EBF1: variants seen among roughly 807,000 people sequenced by gnomAD.
The protein encoded by EBF1 is EBF transcription factor 1, also known as transcription factor COE1.
A neutral mutation model predicts 68.4 loss-of-function variants in EBF1; 10 were observed. The observed-to-expected ratio is 0.15, with a 90% CI of 0.09 to 0.25. The LOEUF is 0.25. Among genes scored for constraint, EBF1 ranks in the 10% least tolerant of loss-of-function variants. The pLI is 1.00. For missense variants in EBF1, 509 were observed against 794.4 expected, an observed-to-expected ratio of 0.64 and a Z score of 4.32; for synonymous variants, 298 against 299.8, an observed-to-expected ratio of 0.99 and a Z score of 0.06.
intron 6 of EBF1, among the ~76,000 whole-genome samples, chr5:159,033,030 G>C (rs932671049): frequency 1.5e-5 from 2 of 132,348 alleles, no homozygotes; most frequent in South Asian, 5.3e-4. Context: ...ACTAAATATA[G>C]AGACCAAACA....
chr5:158,949,516 T>A (rs535078217), intron 6 of EBF1, among the ~76,000 whole-genome samples: 1 of 152,288 alleles, frequency 6.6e-6, no homozygotes, highest in South Asian at 2.1e-4. Context: ...AAAGAAAATA[T>A]TTTCTTCAGG....
At chr5:158,952,175 C>T (rs1028198820) in intron 6 of EBF1, among the ~76,000 whole-genome samples, 1 of 152,128 alleles carries the variant, frequency 6.6e-6, no homozygotes, top group Non-Finnish European at 1.5e-5. Context: ...TTTCAAAGAG[C>T]TCCTTACAGT....
intron 6 of EBF1, among the ~76,000 whole-genome samples, chr5:158,899,666 A>G (rs530409120): frequency 6.6e-6 from 1 of 151,904 alleles, no homozygotes; most frequent in African/African-American, 2.4e-5. Flanking sequence ...CTCTTAATAC[A>G]CTCCCAAGTT....
At chr5:158,793,729 A>C (rs1415274560) in intron 9 of EBF1, among the ~76,000 whole-genome samples, 1 of 152,198 alleles carries the variant, frequency 6.6e-6, no homozygotes, top group Non-Finnish European at 1.5e-5. Context: ...GGCTTAAAGT[A>C]ATACCCATAA....
intron 7 of EBF1, among the ~76,000 whole-genome samples, chr5:158,827,315 C>A (rs772649610): frequency 5.3e-4 from 81 of 152,138 alleles, no homozygotes; most frequent in Non-Finnish European, 9.3e-4. Context: ...CACAAACGTA[C>A]AATTTTAAAG....
intron 6 of EBF1, among the ~76,000 whole-genome samples, chr5:158,930,069 G>C (rs1388884807): frequency 6.6e-6 from 1 of 152,146 alleles, no homozygotes; most frequent in Non-Finnish European, 1.5e-5. Context: ...TGTCATCAAA[G>C]GTGATTGTTT....
chr5:158,954,347 G>T (rs1816637857), intron 6 of EBF1, among the ~76,000 whole-genome samples: 2 of 152,196 alleles, frequency 1.3e-5, no homozygotes, highest in South Asian at 4.1e-4. Context: ...AAATCCAAAT[G>T]TGCCAGCAAC....
chr5:159,009,494 T>G (rs1238506862), intron 6 of EBF1, among the ~76,000 whole-genome samples: 1 of 152,214 alleles, frequency 6.6e-6, no homozygotes, highest in Admixed American at 6.5e-5. Context: ...TCTTTGTAAA[T>G]GATCATGTCT....
At chr5:159,067,042 G>GT (rs1369566199) in intron 6 of EBF1, among the ~76,000 whole-genome samples, 1 of 152,152 alleles carries the variant, frequency 6.6e-6, no homozygotes, top group Admixed American at 6.5e-5. Flanking sequence ...ACTAAATGGA[G>GT]TTTTTTAAAT....
intron 11 of EBF1, among the ~76,000 whole-genome samples, chr5:158,728,861 T>A (rs538271834): frequency 1.3e-5 from 2 of 152,336 alleles, no homozygotes; most frequent in Non-Finnish European, 2.9e-5. Context: ...CACTGCTCGA[T>A]AAGTATTTTT....
chr5:158,871,700 T>C (rs1796898773), intron 6 of EBF1, among the ~76,000 whole-genome samples: 1 of 152,222 alleles, frequency 6.6e-6, no homozygotes, highest in South Asian at 2.1e-4. Context: ...AATTCAGTCA[T>C]GTCTTTCCAC....
chr5:158,865,168 A>G (rs1316051016), intron 6 of EBF1, among the ~76,000 whole-genome samples: 1 of 152,162 alleles, frequency 6.6e-6, no homozygotes, highest in Non-Finnish European at 1.5e-5. Flanking sequence ...CCTTCAAGAT[A>G]GGATTCACAA....
chr5:158,892,792 A>C (rs925212421), intron 6 of EBF1, among the ~76,000 whole-genome samples: 1 of 152,146 alleles, frequency 6.6e-6, no homozygotes, highest in African/African-American at 2.4e-5. Context: ...GACATTTTAC[A>C]AAAAAAGAAA....
chr5:158,875,087 A>ACACACACC (rs10581960), intron 6 of EBF1, among the ~76,000 whole-genome samples: 69 of 149,120 alleles, frequency 4.6e-4, no homozygotes, highest in Middle Eastern at 3.5e-3. Context: ...ACACACACAC[A>ACACACACC]CCAGGCAGTT....
intron 6 of EBF1, among the ~76,000 whole-genome samples, chr5:159,068,316 A>C (rs1249641455): frequency 2.0e-5 from 3 of 152,186 alleles, no homozygotes; most frequent in African/African-American, 7.2e-5. Flanking sequence ...ATGCCTTTAC[A>C]ATCCTTGGCA....
At chr5:158,796,319 G>T in intron 9 of EBF1, 26 bp downstream of exon 9, 1 of 1,595,552 alleles carries the variant, frequency 6.3e-7, no homozygotes. Flanking sequence ...CAAGCTATTA[G>T]ATATTAATGT....
At position 158,708,162 on chromosome 5, in the gene EBF1, T is replaced by C; in HGVS notation, c.1561A>G (p.Ser521Gly). 1.3e-6 allele frequency: 2 copies of C among 1,580,144 alleles called. No individual in the cohort carries two copies. Among genetic ancestry groups the C allele is most frequent in the Non-Finnish European group, 1.7e-6 (2 of 1,162,372 alleles). Residue 521 changes from serine (S) to glycine (G), a missense_variant, in exon 15 of 16, where the codon AGC (serine) becomes GGC (glycine). By Grantham distance (56) the Ser-to-Gly change is moderately conservative (BLOSUM62 0). Coordinates refer to ENST00000313708, the MANE Select transcript of EBF1 (RefSeq NM_024007.5). ...ANSPYAIVPS[S>G]PTMASSTSLP... ...CTTGTGGAGGAGGCCATGGTGGGGC[T>C]GGATGGCACTACTGAGAGGGGCAAT...
chr5:158,701,825 T>G (rs1254514816), intron 15 of EBF1, among the ~76,000 whole-genome samples: 4 of 152,240 alleles, frequency 2.6e-5, no homozygotes, highest in African/African-American at 7.2e-5. Flanking sequence ...GGCCCACTCC[T>G]ACTTTCCTAC....
chr5:158,840,663 TTTTTTTTTTG>T lies in EBF1; in HGVS notation c.555-563_555-554del, dbSNP rs1562086441. Among the ~76,000 whole-genome samples, 343 of 83,242 alleles carry T rather than the reference TTTTTTTTTTG, an allele frequency of 4.1e-3. 39 individuals are homozygous for T. The highest frequency in any genetic ancestry group is 6.4e-3 in the Middle Eastern group (1 of 156). 54.6% of individuals were successfully genotyped at this position (83,242 alleles called of 152,430 possible). ...ACCTCCTGTTTTTTTTTTTTTTTTT[TTTTTTTTTTG>T]TTTTTTTTTTTTTTTTGAGACGGAG... On this transcript the variant is annotated intron_variant, in intron 6 of 15. Coordinates refer to ENST00000313708, the MANE Select transcript of EBF1 (RefSeq NM_024007.5).
Sources: gnomAD v4.1 joint callset for allele counts (sites outside exome capture counted in the v4.1 genomes callset) on GRCh38, gnomAD v4.1.1 for gene constraint, MANE v1.5 for transcripts, NCBI Gene and HGNC (gene_info 2026-07-23, HGNC 2026-07-21) for gene names.